Variants in CEP152 observed in about 807,000 individuals in gnomAD.
The protein encoded by CEP152 is centrosomal protein of 152 kDa.
A neutral mutation model predicts 188.9 loss-of-function variants in CEP152; 132 were observed. The observed-to-expected ratio is 0.70, with a 90% confidence interval of 0.61 to 0.81. The LOEUF (loss-of-function observed/expected upper bound fraction) is 0.81, where lower values mean the gene tolerates loss of function less well. CEP152 is among the 30% of genes least tolerant of loss of function. The probability of loss-of-function intolerance (pLI) is 0.00; values close to 1 mark genes in which losing one functional copy is unlikely to be tolerated. For synonymous variants in CEP152, 649 were observed against 666.6 expected, an observed-to-expected ratio of 0.97 and a Z score of 0.41; for missense variants, 1,914 against 1,969.8, an observed-to-expected ratio of 0.97 and a Z score of 0.54.
At chr15:48,744,869 T>C (rs1893288780) in intron 23 of CEP152, 27 bp downstream of exon 23, 9 of 1,573,310 alleles carry the variant, frequency 5.7e-6, no homozygotes, top group Non-Finnish European at 7.8e-6. Flanking sequence ...TTCTTTAAAA[T>C]AGCACTTTAA....
intron 11 of CEP152, among the ~76,000 whole-genome samples, chr15:48,781,783 C>T (rs553137301): frequency 5.3e-5 from 8 of 152,220 alleles, no homozygotes; most frequent in African/African-American, 1.9e-4. Context: ...CCTCCCCCTC[C>T]AGTGGAAAAT....
At chr15:48,802,840 G>T (rs1484938449) in intron 2 of CEP152, among the ~76,000 whole-genome samples, 1 of 152,230 alleles carries the variant, frequency 6.6e-6, no homozygotes, top group East Asian at 1.9e-4. Flanking sequence ...TGCTCATTAG[G>T]ATGGCATGAA....
intron 17 of CEP152, among the ~76,000 whole-genome samples, chr15:48,764,470 G>A (rs1259823457): frequency 2.0e-5 from 3 of 152,038 alleles, no homozygotes; most frequent in Admixed American, 6.6e-5. Context: ...CTTGTTGTGC[G>A]TGTCTTGGAT....
intron 12 of CEP152, chr15:48,773,636 T>C: frequency 6.6e-6 from 1 of 152,214 alleles, no homozygotes; most frequent in South Asian, 2.1e-4. Context: ...GAATATGTTA[T>C]GTTTCAATGA....
chr15:48,740,948 T>C, intron 26 of CEP152: 1 of 823,554 alleles, frequency 1.2e-6, no homozygotes, highest in Non-Finnish European at 1.5e-6. Context: ...ACCCCATTCA[T>C]ATCCCCTAGG....
At chr15:48,789,699 G>A (rs1445048688) in intron 8 of CEP152, among the ~76,000 whole-genome samples, 9 of 152,198 alleles carry the variant, frequency 5.9e-5, no homozygotes. Flanking sequence ...GAACCAGAGA[G>A]ACTCAATCAG....
chr15:48,738,110 T>C lies in CEP152; in HGVS notation c.*139A>G. On this transcript the variant is annotated 3_prime_UTR_variant, in exon 27 of 27. Transcript: ENST00000380950. ...GCAACATAAATATCTCAAGCAATTT[T>C]AGAAGAATGCTTTACTTATATAACA... 1.1e-6 allele frequency: 1 copy of C among 921,844 alleles called. No homozygotes were observed. The allele number at this position is 921,844 out of a possible 1,614,324, so 57.1% of individuals were successfully genotyped here.
chr15:48,752,849 G>A (rs1406372786), intron 20 of CEP152, among the ~76,000 whole-genome samples: 1 of 152,126 alleles, frequency 6.6e-6, no homozygotes, highest in Non-Finnish European at 1.5e-5. Context: ...ACTACAGCAA[G>A]GAACAAGTTA....
Position 48,785,905 on chromosome 15 carries a change from C to CA in CEP152, c.1174-1786dup, listed in dbSNP as rs757758217. Among the ~76,000 whole-genome samples, 645 of 101,364 alleles carry CA rather than the reference C, an allele frequency of 6.4e-3. 5 individuals are homozygous for CA. The highest frequency in any genetic ancestry group is 0.014 in the African/African-American group (450 of 31,502). 66.5% of individuals were successfully genotyped at this position (101,364 alleles called of 152,430 possible). On this transcript the variant is annotated intron_variant, in intron 9 of 26. Coordinates refer to ENST00000380950, the MANE Select transcript of CEP152 (RefSeq NM_001194998.2). ...TGGGCAACAGGGCGAGACTCCATCT[C>CA]AAAAAAAAAAAAAAAGAGAGAGAGA...
chr15:48,764,828 T>A (rs1378904406), intron 17 of CEP152, among the ~76,000 whole-genome samples: 1 of 152,154 alleles, frequency 6.6e-6, no homozygotes, highest in Admixed American at 6.5e-5. Flanking sequence ...CCTTTAACTC[T>A]TATTGTTACC....
chr15:48,792,551 C>A (rs1039759508), intron 7 of CEP152, among the ~76,000 whole-genome samples: 1 of 152,142 alleles, frequency 6.6e-6, no homozygotes, highest in African/African-American at 2.4e-5. Context: ...GTGTGTTTAT[C>A]CCAGACATGG....
chr15:48,805,467 C>T (rs1897920044), intron 2 of CEP152, 96 bp downstream of exon 2: 1 of 1,455,010 alleles, frequency 6.9e-7, no homozygotes, highest in Admixed American at 2.4e-5. Flanking sequence ...CAAATCCCTT[C>T]AAAATGACAC....
In CEP152 at chr15:48,784,529, A is replaced by G. The variant is rs145232516; in HGVS notation, c.1174-409T>C. ...TTTGAATCATGCTATTTGTATCCCA[A>G]AACAGTAAGGATATAGATAAACACA... On this transcript the variant is annotated intron_variant, in intron 9 of 26. Coordinates refer to ENST00000380950, the MANE Select transcript of CEP152 (RefSeq NM_001194998.2). 6.9e-3 allele frequency among the ~76,000 whole-genome samples: 1,051 copies of G among 152,334 alleles called. 10 individuals are homozygous for G. Among genetic ancestry groups the G allele is most frequent in the African/African-American group, 0.024 (1,011 of 41,566 alleles).
At chr15:48,763,770 T>C (rs566258580) in intron 17 of CEP152, among the ~76,000 whole-genome samples, 2 of 152,342 alleles carry the variant, frequency 1.3e-5, no homozygotes, top group East Asian at 3.9e-4. Context: ...GTTCCCTAAC[T>C]TGCTAGGGAA....
Position 48,739,228 on chromosome 15 carries a change from TTCACA to T in CEP152, c.4149_4153del (p.Asp1383GlufsTer9). ...TTCAATACAACATGGTATTTTCTGATTCACATCATTTCTTTTTGATTTTTTAACTG... is the reference window on the plus strand; with the variant it reads ...TTCAATACAACATGGTATTTTCTGATTCATTTCTTTTTGATTTTTTAACTG... On this transcript the variant is annotated frameshift_variant, in exon 27 of 27. Transcript: ENST00000380950. LOFTEE classifies it low-confidence loss of function (END_TRUNC). 1 of 1,613,536 alleles carries T rather than the reference TTCACA, an allele frequency of 6.2e-7. No individual in the cohort carries two copies. The highest frequency in any genetic ancestry group is 1.1e-5 in the South Asian group (1 of 90,826).
intron 12 of CEP152, chr15:48,773,292 A>T (rs531736682): frequency 4.1e-4 from 64 of 154,270 alleles, no homozygotes; most frequent in Non-Finnish European, 8.3e-4. Context: ...AAACCAAATA[A>T]AGCAAATAAA....
At position 48,738,268 on chromosome 15, in the gene CEP152, G is replaced by A. The variant is rs998971080; in HGVS notation, c.5114C>T (p.Pro1705Leu). The A allele has an allele frequency of 1.2e-5, 20 of 1,613,006 alleles. No individual in the cohort carries two copies. In the African/African-American group the frequency reaches 2.1e-4, roughly 17 times the overall value. ...SSQQDSGFDSPFVNLD is the reference protein window; with the variant it reads ...SSQQDSGFDSLFVNLD ...CCATAATTAGTCTAGATTAACAAAT[G>A]GGCTATCAAAGCCACTATCTTGTTG... The change falls in exon 27 of 27, where the codon CCA becomes CTA. Residue 1705 changes from proline to leucine, a missense_variant. Coordinates refer to ENST00000380950, the MANE Select transcript of CEP152 (RefSeq NM_001194998.2).
At chr15:48,780,891 C>A (rs1044650448) in intron 12 of CEP152, among the ~76,000 whole-genome samples, 1 of 152,160 alleles carries the variant, frequency 6.6e-6, no homozygotes, top group East Asian at 1.9e-4. Context: ...CACCACTACT[C>A]CCTCCCTAGT....
At chr15:48,745,082 G>C in intron 22 of CEP152, 90 bp from the exon 23 acceptor site, 3 of 887,294 alleles carry the variant, frequency 3.4e-6, no homozygotes, top group Non-Finnish European at 5.0e-6. Flanking sequence ...GTTTATAGAA[G>C]AGACTGTGCA....
Sources: gnomAD v4.1 joint callset for allele counts (sites outside exome capture counted in the v4.1 genomes callset) on GRCh38, gnomAD v4.1.1 for gene constraint, MANE v1.5 for transcripts, NCBI Gene and HGNC (gene_info 2026-07-23, HGNC 2026-07-21) for gene names.